The following WWOX variants were observed in gnomAD, a reference collection of about 807,000 sequenced individuals.
The protein encoded by WWOX is WW domain containing oxidoreductase.
A neutral mutation model predicts 46.2 loss-of-function variants in WWOX; 69 were observed. That is an observed-to-expected ratio of 1.49 (90% CI 1.23 to 1.82). The LOEUF (loss-of-function observed/expected upper bound fraction) is 1.82. Ranked by LOEUF, WWOX falls within the 40% of genes most tolerant of loss-of-function variation. The pLI, the probability that WWOX is intolerant of heterozygous loss-of-function variation, is 0.00. For missense variants in WWOX, 919 were observed against 542.6 expected, an observed-to-expected ratio of 1.69 and a Z score of -6.89; for synonymous variants, 359 against 202.6, an observed-to-expected ratio of 1.77 and a Z score of -6.56.
intron 8 of WWOX, among the ~76,000 whole-genome samples, chr16:78,522,064 C>T (rs779399718): frequency 6.6e-6 from 1 of 151,272 alleles, no homozygotes; most frequent in South Asian, 2.1e-4. Context: ...GTTGCAAACC[C>T]ACGTCTGTCT....
At chr16:78,519,590 G>A (rs929883058) in intron 8 of WWOX, among the ~76,000 whole-genome samples, 1 of 151,994 alleles carries the variant, frequency 6.6e-6, no homozygotes, top group Admixed American at 6.6e-5. Flanking sequence ...AAATTCACAG[G>A]TTAAAATCCT....
At chr16:78,765,657 A>G (rs1290681743) in intron 8 of WWOX, among the ~76,000 whole-genome samples, 1 of 152,068 alleles carries the variant, frequency 6.6e-6, no homozygotes, top group Non-Finnish European at 1.5e-5. Context: ...GCAGCTTGGG[A>G]AACAGAGTGA....
At chr16:78,628,495 C>G (rs553068545) in intron 8 of WWOX, among the ~76,000 whole-genome samples, 46 of 152,298 alleles carry the variant, frequency 3.0e-4, no homozygotes, top group African/African-American at 1.1e-3. Context: ...AAGTACCCAC[C>G]TAACAGACTT....
intron 8 of WWOX, among the ~76,000 whole-genome samples, chr16:78,982,971 C>T (rs182259757): frequency 1.3e-5 from 2 of 152,280 alleles, no homozygotes; most frequent in East Asian, 3.9e-4. Context: ...ATGGGAGAAG[C>T]AGTCTTTGGG....
intron 5 of WWOX, among the ~76,000 whole-genome samples, chr16:78,201,988 A>T (rs1176780838): frequency 1.3e-5 from 2 of 152,082 alleles, no homozygotes; most frequent in Non-Finnish European, 2.9e-5. Flanking sequence ...TATAGGTGTG[A>T]TCCACCACAC....
At chr16:78,854,016 G>C (rs1567605459) in intron 8 of WWOX, among the ~76,000 whole-genome samples, 1 of 152,254 alleles carries the variant, frequency 6.6e-6, no homozygotes, top group Admixed American at 6.5e-5. Context: ...AAATAAAATT[G>C]TCTGTTGTAC....
intron 5 of WWOX, among the ~76,000 whole-genome samples, chr16:78,204,426 T>C (rs1218662856): frequency 6.6e-6 from 1 of 152,166 alleles, no homozygotes; most frequent in African/African-American, 2.4e-5. Flanking sequence ...AGTCACTCTT[T>C]TAGTTATATA....
intron 8 of WWOX, among the ~76,000 whole-genome samples, chr16:78,705,386 TG>T (rs1266946713): frequency 6.6e-6 from 1 of 152,144 alleles, no homozygotes; most frequent in East Asian, 1.9e-4. Context: ...GGGACTTCTT[TG>T]GGGAGAATAT....
intron 8 of WWOX, among the ~76,000 whole-genome samples, chr16:78,758,549 T>G (rs1218660267): frequency 6.6e-6 from 1 of 152,224 alleles, no homozygotes; most frequent in African/African-American, 2.4e-5. Flanking sequence ...TATCTATACT[T>G]TTCAACACAA....
At chr16:78,758,565 A>G (rs1419803911) in intron 8 of WWOX, among the ~76,000 whole-genome samples, 1 of 152,188 alleles carries the variant, frequency 6.6e-6, no homozygotes, top group Non-Finnish European at 1.5e-5. Context: ...CACAATTCCA[A>G]GTGCTACCTC....
At chr16:78,437,977 A>G (rs996879289) in intron 8 of WWOX, among the ~76,000 whole-genome samples, 2 of 152,152 alleles carry the variant, frequency 1.3e-5, no homozygotes, top group East Asian at 1.9e-4. Context: ...ATATATACAT[A>G]TTAGTCTATG....
At chr16:78,616,059 T>C (rs2046016534) in intron 8 of WWOX, among the ~76,000 whole-genome samples, 1 of 152,018 alleles carries the variant, frequency 6.6e-6, no homozygotes, top group Non-Finnish European at 1.5e-5. Context: ...CAGGATAATC[T>C]TTAAGAAGAA....
chr16:78,372,187 A>T (rs2081706721), intron 5 of WWOX, among the ~76,000 whole-genome samples: 1 of 152,180 alleles, frequency 6.6e-6, no homozygotes, highest in South Asian at 2.1e-4. Context: ...GACAACAAGT[A>T]CCTTTTGCTC....
intron 8 of WWOX, among the ~76,000 whole-genome samples, chr16:78,938,587 C>T (rs751716064): frequency 6.6e-6 from 1 of 151,926 alleles, no homozygotes; most frequent in African/African-American, 2.4e-5. Flanking sequence ...TATTAAGAGT[C>T]GTCTCTGGGC....
chr16:79,051,542 A>T (rs920915573), intron 8 of WWOX, among the ~76,000 whole-genome samples: 1 of 86,718 alleles, frequency 1.2e-5, no homozygotes, highest in African/African-American at 4.6e-5. Flanking sequence ...CCTGCAAGGG[A>T]GGCTGGGAAA....
intron 5 of WWOX, among the ~76,000 whole-genome samples, chr16:78,324,773 G>A (rs2080572659): frequency 1.3e-5 from 2 of 151,092 alleles, no homozygotes; most frequent in Non-Finnish European, 1.5e-5. Flanking sequence ...TGATGACTCA[G>A]GGCTGGGGGA....
At chr16:78,102,358 G>C (rs12921245) in intron 1 of WWOX, among the ~76,000 whole-genome samples, 34,119 of 152,166 alleles carry the variant, frequency 0.22, 4,671 homozygotes, top group Non-Finnish European at 0.3. Context: ...GTTAAGGCAG[G>C]GAAGGGAGGA....
At chr16:78,679,368 C>T (rs2047676564) in intron 8 of WWOX, among the ~76,000 whole-genome samples, 2 of 151,938 alleles carry the variant, frequency 1.3e-5, no homozygotes, top group African/African-American at 2.4e-5. Context: ...TTGGCCATCA[C>T]AGTAAAACCC....
chr16:78,390,196 C>T (rs1010749271), intron 6 of WWOX, among the ~76,000 whole-genome samples: 2 of 152,200 alleles, frequency 1.3e-5, no homozygotes, highest in South Asian at 2.1e-4. Context: ...AATTCACTGC[C>T]GCTGAATAAC....
Sources: gnomAD v4.1 joint callset for allele counts (sites outside exome capture counted in the v4.1 genomes callset) on GRCh38, gnomAD v4.1.1 for gene constraint, MANE v1.5 for transcripts, NCBI Gene and HGNC (gene_info 2026-07-23, HGNC 2026-07-21) for gene names.